PHF20: variants seen among roughly 807,000 people sequenced by gnomAD.
PHF20 encodes the protein PHD finger protein 20, also known as glioma-expressed antigen 2.
PHF20 carries 23 observed loss-of-function variants against 113.5 expected under a neutral mutation model. That is an observed-to-expected ratio of 0.20 (90% CI 0.15 to 0.29). PHF20 has a LOEUF of 0.29. Ranked by LOEUF, PHF20 falls within the 10% of genes least tolerant of loss-of-function variation. The pLI, the probability that PHF20 is intolerant of heterozygous loss-of-function variation, is 1.00. For missense variants in PHF20, 943 were observed against 1,219.6 expected (o/e 0.77, Z 3.38); for synonymous variants, 434 against 457.3 (o/e 0.95, Z 0.65).
chr20:35,866,050 C>A (rs2054314709), intron 6 of PHF20, among the ~76,000 whole-genome samples: 1 of 151,734 alleles, frequency 6.6e-6, no homozygotes, highest in African/African-American at 2.4e-5. Context: ...TCTCTACTAA[C>A]AACACAAAAA....
intron 1 of PHF20, among the ~76,000 whole-genome samples, chr20:35,786,966 GGAT>G (rs901598455): frequency 1.3e-5 from 2 of 151,412 alleles, no homozygotes; most frequent in Non-Finnish European, 2.9e-5. Flanking sequence ...CCATTGAGGT[GGAT>G]GATATTGATC....
Position 35,817,891 on chromosome 20 carries a change from T to C in PHF20, c.83+16286T>C, listed in dbSNP as rs575552643. Among the ~76,000 whole-genome samples the C allele has an allele frequency of 2.0e-5, 3 of 152,160 alleles. No homozygotes were observed. In the South Asian group the frequency reaches 6.2e-4, roughly 32 times the overall value. On this transcript the variant is annotated intron_variant, in intron 2 of 17. Transcript: ENST00000374012. The stretch of plus-strand genomic sequence containing the variant: ...TAGAGGCTGAAGTAGGCAGATCACT[T>C]GAGCCCAGGAGTTCAAGACAAGCCT...
At chr20:35,832,203 C>G (rs763357386) in intron 2 of PHF20, among the ~76,000 whole-genome samples, 2 of 152,162 alleles carry the variant, frequency 1.3e-5, no homozygotes, top group Non-Finnish European at 2.9e-5. Context: ...GAATGGAGAT[C>G]AAGTGTCTCC....
At position 35,871,632 on chromosome 20, in the gene PHF20, T is replaced by A. The variant is rs1407601487; in HGVS notation, c.1103-18T>A. 6.4e-7 allele frequency: 1 copy of A among 1,574,266 alleles called. No homozygotes were observed. Among genetic ancestry groups the A allele is most frequent in the Admixed American group, 2.0e-5 (1 of 50,960 alleles). On this transcript the variant is annotated intron_variant, in intron 8 of 17. Coordinates refer to ENST00000374012, the MANE Select transcript of PHF20 (RefSeq NM_016436.5). Reference sequence around the variant, plus strand: ...ACATACATGTATATTTCCCCCAAACTTTCTTTTTTTCTTCTAGGTCAGTTG... The same window carrying A: ...ACATACATGTATATTTCCCCCAAACATTCTTTTTTTCTTCTAGGTCAGTTG...
In PHF20 at chr20:35,813,077, T is replaced by A. The variant is rs1211387444; in HGVS notation, c.83+11472T>A. Among the ~76,000 whole-genome samples, 4 of 152,298 alleles carry A rather than the reference T, an allele frequency of 2.6e-5. No individual in the cohort carries two copies. The East Asian group carries it at 7.7e-4, about 29-fold the overall frequency. ...TCTGCCTCTCAGGTTCACGCCATTC[T>A]CCTGCCTCGGCCTCCCGAGAGCTGG... On this transcript the variant is annotated intron_variant, in intron 2 of 17. Transcript: ENST00000374012.
chr20:35,823,336 C>A (rs1183978409), intron 2 of PHF20, among the ~76,000 whole-genome samples: 1 of 150,406 alleles, frequency 6.6e-6, no homozygotes, highest in Non-Finnish European at 1.5e-5. Flanking sequence ...AATGGTGACT[C>A]ATGCCTATAA....
intron 2 of PHF20, among the ~76,000 whole-genome samples, chr20:35,824,251 TTTCTCTCC>T: frequency 6.6e-6 from 1 of 152,172 alleles, no homozygotes; most frequent in East Asian, 1.9e-4. Flanking sequence ...GATTCTTTTT[TTTCTCTCC>T]TTTTTTTTTA....
intron 1 of PHF20, among the ~76,000 whole-genome samples, chr20:35,781,570 C>T (rs1201190653): frequency 6.6e-6 from 1 of 152,144 alleles, no homozygotes; most frequent in Non-Finnish European, 1.5e-5. Flanking sequence ...GCCATTTTAA[C>T]CATTTTTAAG....
chr20:35,825,685 C>T (rs1355819985), intron 2 of PHF20, among the ~76,000 whole-genome samples: 2 of 151,940 alleles, frequency 1.3e-5, no homozygotes, highest in Non-Finnish European at 2.9e-5. Flanking sequence ...GCTTTGTTGC[C>T]CAGGCTGGAG....
intron 13 of PHF20, among the ~76,000 whole-genome samples, chr20:35,925,424 C>A (rs1420506731): frequency 1.3e-5 from 2 of 151,772 alleles, no homozygotes; most frequent in Non-Finnish European, 2.9e-5. Context: ...CACCATGCCT[C>A]CCTAATTTTT....
intron 4 of PHF20, among the ~76,000 whole-genome samples, chr20:35,857,990 T>G (rs2146963888): frequency 6.6e-6 from 1 of 152,354 alleles, no homozygotes; most frequent in East Asian, 1.9e-4. Flanking sequence ...ACTCACTTTC[T>G]TAATTGTTTT....
Position 35,871,631 on chromosome 20 carries a change from C to T in PHF20, c.1103-19C>T. The T allele has an allele frequency of 6.4e-7, 1 of 1,572,188 alleles. No homozygotes were observed. The highest frequency in any genetic ancestry group is 8.6e-7 in the Non-Finnish European group (1 of 1,162,064). On this transcript the variant is annotated intron_variant, in intron 8 of 17. Coordinates refer to ENST00000374012, the MANE Select transcript of PHF20 (RefSeq NM_016436.5). ...TACATACATGTATATTTCCCCCAAA[C>T]TTTCTTTTTTTCTTCTAGGTCAGTT...
chr20:35,780,390 TA>T (rs1285195633), intron 1 of PHF20, among the ~76,000 whole-genome samples: 8 of 150,856 alleles, frequency 5.3e-5, no homozygotes, highest in African/African-American at 2.0e-4. Context: ...GATGCCCGGC[TA>T]ATTTTTTGTA....
chr20:35,811,149 C>G (rs561796487), intron 2 of PHF20, among the ~76,000 whole-genome samples: 15 of 151,938 alleles, frequency 9.9e-5, no homozygotes, highest in Non-Finnish European at 4.4e-5. Context: ...AGGGTTCAAG[C>G]GATTCTCCTG....
At position 35,878,888 on chromosome 20, in the gene PHF20, G is replaced by A. The variant is rs2054577706; in HGVS notation, c.1282+7059G>A. Among the ~76,000 whole-genome samples the A allele has an allele frequency of 2.6e-5, 4 of 152,200 alleles. 1 individual carries two copies. Among genetic ancestry groups the A allele is most frequent in the Non-Finnish European group, 4.4e-5 (3 of 68,016 alleles). Reference sequence around the variant, plus strand: ...TATTGGCTTCCTTTCTTGCAGGCTTGATTTGCCTGTTGACTGAATTACTAG... The same window carrying A: ...TATTGGCTTCCTTTCTTGCAGGCTTAATTTGCCTGTTGACTGAATTACTAG... On this transcript the variant is annotated intron_variant, in intron 9 of 17. Coordinates refer to ENST00000374012, the MANE Select transcript of PHF20 (RefSeq NM_016436.5).
intron 15 of PHF20, among the ~76,000 whole-genome samples, chr20:35,933,063 G>A (rs866223009): frequency 6.6e-6 from 1 of 150,932 alleles, no homozygotes; most frequent in Non-Finnish European, 1.5e-5. Context: ...CTTGTTTTAT[G>A]TGTATGCCAC....
At chr20:35,882,779 C>G (rs1386617055) in intron 9 of PHF20, among the ~76,000 whole-genome samples, 2 of 152,122 alleles carry the variant, frequency 1.3e-5, no homozygotes, top group Non-Finnish European at 2.9e-5. Flanking sequence ...GTAATCCCAG[C>G]ACTTTTGGAG....
intron 10 of PHF20, among the ~76,000 whole-genome samples, chr20:35,901,845 C>A (rs527865842): frequency 6.6e-6 from 1 of 152,168 alleles, no homozygotes; most frequent in Non-Finnish European, 1.5e-5. Flanking sequence ...GTTGTGAATC[C>A]CATCTGTTGC....
chr20:35,865,429 T>TA (rs1484896639), intron 6 of PHF20, among the ~76,000 whole-genome samples: 1 of 148,678 alleles, frequency 6.7e-6, no homozygotes, highest in Non-Finnish European at 1.5e-5. Flanking sequence ...GAGCCCAGTT[T>TA]AAAAAAAAAA....
Sources: gnomAD v4.1 joint callset for allele counts (sites outside exome capture counted in the v4.1 genomes callset) on GRCh38, gnomAD v4.1.1 for gene constraint, MANE v1.5 for transcripts, NCBI Gene and HGNC (gene_info 2026-07-23, HGNC 2026-07-21) for gene names.